The following CAVIN1 variants were observed in gnomAD, a reference collection of about 807,000 sequenced individuals.
The protein encoded by CAVIN1 is caveolae-associated protein 1.
In CAVIN1, 16 loss-of-function variants were observed where a neutral mutation model predicts 24.0. The ratio of observed to expected loss-of-function variants is 0.67; its 90% CI spans 0.45 to 1.01. The LOEUF (loss-of-function observed/expected upper bound fraction) is 1.01, where lower values mean the gene tolerates loss of function less well. CAVIN1 is among the 50% of genes least tolerant of loss of function. The pLI, the probability that CAVIN1 is intolerant of heterozygous loss-of-function variation, is 0.00. For missense variants in CAVIN1, 510 were observed against 551.7 expected (o/e 0.92, Z 0.76); for synonymous variants, 256 against 256.4 (o/e 1.00, Z 0.02).
At chr17:42,422,539 C>A in intron 1 of CAVIN1, 88 bp downstream of exon 1, 1 of 1,065,542 alleles carries the variant, frequency 9.4e-7, no homozygotes. Flanking sequence ...GGAGCAGCGC[C>A]ACGGGCAGGT....
At position 42,403,770 on chromosome 17, in the gene CAVIN1, G is replaced by A. The variant is rs1274297745; in HGVS notation, c.*917C>T. 2 of 152,560 alleles carry A rather than the reference G, an allele frequency of 1.3e-5. No homozygotes were observed. Among genetic ancestry groups the A allele is most frequent in the African/African-American group, 4.8e-5 (2 of 41,424 alleles). 9.5% of individuals were successfully genotyped at this position (152,560 alleles called of 1,614,324 possible). On this transcript the variant is annotated 3_prime_UTR_variant, in exon 2 of 2. Coordinates refer to ENST00000357037, the MANE Select transcript of CAVIN1 (RefSeq NM_012232.6). ...AGCCTCCAAAGTAGCTGGGATTACAGGCATGCGCAACCATGCCCAGCTAAT... is the reference window on the plus strand; with the variant it reads ...AGCCTCCAAAGTAGCTGGGATTACAAGCATGCGCAACCATGCCCAGCTAAT...
chr17:42,406,326 C>T (rs2085446475), intron 1 of CAVIN1, among the ~76,000 whole-genome samples: 1 of 151,800 alleles, frequency 6.6e-6, no homozygotes, highest in South Asian at 2.1e-4. Context: ...CACCTACCCA[C>T]CCAAGCAGGT....
rs1375771509 is a variant in CAVIN1 at position 42,405,371 on chromosome 17, C to T, written c.489G>A (p.Pro163=). The change falls in exon 2 of 2, where the codon CCG becomes CCA. Residue 163 remains proline, a synonymous_variant. Coordinates refer to ENST00000357037, the MANE Select transcript of CAVIN1 (RefSeq NM_012232.6). Reference sequence around the variant, plus strand: ...GCGATTTGCTGATGCTCAGTTTGGCCGGCAGCTTCACTTCATCCTAAGGGA... The same window carrying T: ...GCGATTTGCTGATGCTCAGTTTGGCTGGCAGCTTCACTTCATCCTAAGGGA... The part of the protein sequence containing the change: ...VMIYQDEVKL[P]AKLSISKSLK... 7.5e-6 allele frequency: 12 copies of T among 1,605,716 alleles called. No individual in the cohort carries two copies. Among genetic ancestry groups the T allele is most frequent in the Non-Finnish European group, 1.0e-5 (12 of 1,179,956 alleles).
Position 42,404,527 on chromosome 17 carries a change from G to A in CAVIN1, c.*160C>T. ...CACTGCGGGGGCTGCCTCCCCATCG[G>A]GTCCTAACAGCTCTAAGACTGGGAG... On this transcript the variant is annotated 3_prime_UTR_variant, in exon 2 of 2. Coordinates refer to ENST00000357037, the MANE Select transcript of CAVIN1 (RefSeq NM_012232.6). The A allele has an allele frequency of 1.9e-6, 1 of 516,530 alleles. No individual in the cohort carries two copies. Among genetic ancestry groups the A allele is most frequent in the Non-Finnish European group, 3.3e-6 (1 of 302,420 alleles). 32.0% of individuals were successfully genotyped at this position (516,530 alleles called of 1,614,324 possible).
chr17:42,404,611 A>G lies in CAVIN1; in HGVS notation c.*76T>C, dbSNP rs2085430217. On this transcript the variant is annotated 3_prime_UTR_variant, in exon 2 of 2. Transcript: ENST00000357037. ...TTTTCAATTTAGAAAAATCTCAGCCAGCTCGAGCCGAGAGAGAATGCGAAA... is the reference window on the plus strand; with the variant it reads ...TTTTCAATTTAGAAAAATCTCAGCCGGCTCGAGCCGAGAGAGAATGCGAAA... 2.9e-6 allele frequency: 3 copies of G among 1,017,854 alleles called. No individual in the cohort carries two copies. The African/African-American group carries it at 5.1e-5, about 17-fold the overall frequency. The allele number at this position is 1,017,854 out of a possible 1,614,324, so 63.1% of individuals were successfully genotyped here.
intron 1 of CAVIN1, among the ~76,000 whole-genome samples, chr17:42,408,680 G>A (rs1233862675): frequency 4.7e-5 from 7 of 150,370 alleles, no homozygotes; most frequent in Admixed American, 2.7e-4. Flanking sequence ...TAGTAGAGAC[G>A]GGGTTTCTCC....
At chr17:42,418,861 T>C (rs1257082470) in intron 1 of CAVIN1, among the ~76,000 whole-genome samples, 1 of 150,818 alleles carries the variant, frequency 6.6e-6, no homozygotes, top group Admixed American at 6.6e-5. Flanking sequence ...CTATTATGTA[T>C]CCATAGTAAT....
At chr17:42,411,245 A>T (rs1432484269) in intron 1 of CAVIN1, 1 of 147,438 alleles carries the variant, frequency 6.8e-6, no homozygotes, top group African/African-American at 2.5e-5. Context: ...TTATGAAAAC[A>T]ACAACAACCA....
chr17:42,404,467 C>T lies in CAVIN1; in HGVS notation c.*220G>A, dbSNP rs940970431. Reference sequence around the variant, plus strand: ...GGACAGGGATTGACCATTCCCTTCCCATTCCACTCGGACTGTGTCCAAGCG... The same window carrying T: ...GGACAGGGATTGACCATTCCCTTCCTATTCCACTCGGACTGTGTCCAAGCG... On this transcript the variant is annotated 3_prime_UTR_variant, in exon 2 of 2. Transcript: ENST00000357037. 2.4e-6 allele frequency: 1 copy of T among 422,528 alleles called. No homozygotes were observed. Among genetic ancestry groups the T allele is most frequent in the Admixed American group, 4.4e-5 (1 of 22,488 alleles). The allele number at this position is 422,528 out of a possible 1,614,324, so 26.2% of individuals were successfully genotyped here. A position where few individuals can be genotyped will look rare whatever the true frequency, so the allele number is the denominator to read the frequency against.
chr17:42,413,439 A>G (rs1415656854), intron 1 of CAVIN1, among the ~76,000 whole-genome samples: 4 of 151,758 alleles, frequency 2.6e-5, no homozygotes, highest in Non-Finnish European at 5.9e-5. Context: ...CATGCCTGAA[A>G]TTTCAGCTAC....
At chr17:42,407,778 G>GTT (rs2085454221) in intron 1 of CAVIN1, among the ~76,000 whole-genome samples, 1 of 152,142 alleles carries the variant, frequency 6.6e-6, no homozygotes, top group African/African-American at 2.4e-5. Context: ...AGGGCATTTT[G>GTT]TTTATCCCTC....
At chr17:42,412,367 G>T in intron 1 of CAVIN1, 62 of 490,326 alleles carry the variant, frequency 1.3e-4, no homozygotes, top group Non-Finnish European at 1.5e-4. Flanking sequence ...GGAGCACAAT[G>T]TATTAGGATG....
rs1195913465 is a variant in CAVIN1 at position 42,405,288 on chromosome 17, C to A, written c.572G>T (p.Arg191Leu). The change falls in exon 2 of 2, where the codon CGG (arginine) becomes CTG (leucine). Residue 191 changes from arginine to leucine, a missense_variant. Arg to Leu is a moderately radical substitution (Grantham distance 102, BLOSUM62 -2). Coordinates refer to ENST00000357037, the MANE Select transcript of CAVIN1 (RefSeq NM_012232.6). ...KEGEELGEGE[R>L]PEEDAAALEL... ...CAGCGCCGCTGCGTCCTCCTCGGGCCGCTCGCCCTCGCCCAGCTCCTCGCC... is the reference window on the plus strand; with the variant it reads ...CAGCGCCGCTGCGTCCTCCTCGGGCAGCTCGCCCTCGCCCAGCTCCTCGCC... 3 of 1,611,950 alleles carry A rather than the reference C, an allele frequency of 1.9e-6. No individual in the cohort carries two copies. Among genetic ancestry groups the A allele is most frequent in the East Asian group, 4.5e-5 (2 of 44,874 alleles).
intron 1 of CAVIN1, among the ~76,000 whole-genome samples, chr17:42,410,430 T>C (rs1277809146): frequency 6.6e-6 from 1 of 152,172 alleles, no homozygotes; most frequent in African/African-American, 2.4e-5. Flanking sequence ...CCCTCCCTTC[T>C]GCTCTAGCGT....
intron 1 of CAVIN1, among the ~76,000 whole-genome samples, chr17:42,417,369 A>G (rs576405533): frequency 6.6e-6 from 1 of 150,654 alleles, no homozygotes; most frequent in East Asian, 2.0e-4. Flanking sequence ...AAGAAGAACA[A>G]TTGTTTGAAC....
chr17:42,404,615 C>CGAGCCGAGA lies in CAVIN1; in HGVS notation c.*63_*71dup, dbSNP rs3833143. 7,048 of 1,076,082 alleles carry CGAGCCGAGA rather than the reference C, an allele frequency of 6.5e-3. 349 individuals carry two copies. In the East Asian group the frequency reaches 0.12, roughly 19 times the overall value. 66.7% of individuals were successfully genotyped at this position (1,076,082 alleles called of 1,614,324 possible). On this transcript the variant is annotated 3_prime_UTR_variant, in exon 2 of 2. Transcript: ENST00000357037. ...CAATTTAGAAAAATCTCAGCCAGCT[C>CGAGCCGAGA]GAGCCGAGAGAGAATGCGAAAGAGG... is the stretch of plus-strand genomic sequence containing the variant.
chr17:42,407,090 C>T (rs75258934), intron 1 of CAVIN1, among the ~76,000 whole-genome samples: 2,987 of 151,014 alleles, frequency 0.02, 106 homozygotes, highest in African/African-American at 0.069. Context: ...CTTTCCATTC[C>T]GGGAAGATTT....
At chr17:42,406,334 GGTAAA>G (rs1337334602) in intron 1 of CAVIN1, among the ~76,000 whole-genome samples, 1 of 151,950 alleles carries the variant, frequency 6.6e-6, no homozygotes, top group South Asian at 2.1e-4. Flanking sequence ...CACCCAAGCA[GGTAAA>G]GTAAAGGAAG....
At chr17:42,405,894 T>C (rs1002590545) in intron 1 of CAVIN1, among the ~76,000 whole-genome samples, 6 of 151,686 alleles carry the variant, frequency 4.0e-5, no homozygotes, top group East Asian at 1.9e-4. Context: ...TCCATATTGG[T>C]CAGGCTGGTC....
Sources: allele counts gnomAD v4.1 joint callset (sites outside exome capture counted in the v4.1 genomes callset), GRCh38; gene constraint gnomAD v4.1.1; transcripts MANE v1.5; gene names NCBI Gene and HGNC (gene_info 2026-07-23, HGNC 2026-07-21).